The following TENM3 variants were observed in gnomAD, a reference collection of about 807,000 sequenced individuals.
The protein encoded by TENM3 is teneurin transmembrane protein 3.
TENM3 carries 63 observed loss-of-function variants against 255.1 expected under a neutral mutation model. The ratio of observed to expected loss-of-function variants is 0.25; its 90% CI spans 0.20 to 0.30. TENM3 has a LOEUF of 0.30. Among genes scored for constraint, TENM3 ranks in the 10% least tolerant of loss-of-function variants. The probability of loss-of-function intolerance (pLI) is 1.00; values close to 1 mark genes in which losing one functional copy is unlikely to be tolerated. For missense variants in TENM3, 2,929 were observed against 3,461.1 expected, an observed-to-expected ratio of 0.85 and a Z score of 3.86; for synonymous variants, 1,306 against 1,322.3, an observed-to-expected ratio of 0.99 and a Z score of 0.27.
chr4:182,039,182 T>C, the TENM3 span, among the ~76,000 whole-genome samples: 1 of 152,216 alleles, frequency 6.6e-6, no homozygotes, highest in Non-Finnish European at 1.5e-5. Context: ...CAGGACATGG[T>C]GGCTCAAACG....
At chr4:181,887,372 A>T in the TENM3 span, among the ~76,000 whole-genome samples, 2 of 152,226 alleles carry the variant, frequency 1.3e-5, no homozygotes, top group African/African-American at 4.8e-5. Flanking sequence ...GACAAAATAC[A>T]TTAGATTTCT....
the TENM3 span, among the ~76,000 whole-genome samples, chr4:181,650,485 T>C: frequency 6.6e-6 from 1 of 152,206 alleles, no homozygotes; most frequent in African/African-American, 2.4e-5. Context: ...CTCAACCTTA[T>C]CATTTGGAGA....
At chr4:182,163,628 G>C (rs1414198001) in intron 1 of TENM3, among the ~76,000 whole-genome samples, 1 of 152,112 alleles carries the variant, frequency 6.6e-6, no homozygotes, top group African/African-American at 2.4e-5. Flanking sequence ...TAGAATTCAA[G>C]GGTTCTAGGA....
intron 3 of TENM3, among the ~76,000 whole-genome samples, chr4:182,563,423 G>C (rs1203275462): frequency 6.6e-6 from 1 of 151,992 alleles, no homozygotes; most frequent in East Asian, 1.9e-4. Context: ...GACAGAGCAA[G>C]ACTCCATCTC....
chr4:182,652,613 C>G (rs1365600070), intron 5 of TENM3, among the ~76,000 whole-genome samples: 2 of 152,172 alleles, frequency 1.3e-5, no homozygotes, highest in Non-Finnish European at 2.9e-5. Flanking sequence ...GAACCAAAGT[C>G]TGACTGCATC....
the TENM3 span, among the ~76,000 whole-genome samples, chr4:181,689,607 C>T: frequency 6.6e-6 from 1 of 152,196 alleles, no homozygotes; most frequent in Non-Finnish European, 1.5e-5. Flanking sequence ...ATCTGATTTT[C>T]GGTAAAAGTA....
At chr4:181,978,474 C>T in the TENM3 span, among the ~76,000 whole-genome samples, 109 of 152,068 alleles carry the variant, frequency 7.2e-4, 1 homozygote, top group South Asian at 0.021. Context: ...TGGTGAAACA[C>T]CATCTCTACT....
the TENM3 span, among the ~76,000 whole-genome samples, chr4:182,019,926 C>T: frequency 6.6e-6 from 1 of 152,152 alleles, no homozygotes; most frequent in Admixed American, 6.5e-5. Flanking sequence ...CCGCCTGCCT[C>T]AGCCTCCCAA....
At chr4:182,347,952 G>A (rs747469240) in intron 3 of TENM3, among the ~76,000 whole-genome samples, 7 of 152,074 alleles carry the variant, frequency 4.6e-5, no homozygotes, top group Non-Finnish European at 1.0e-4. Context: ...TTATTTATTG[G>A]GTGACTTTGT....
At chr4:181,567,804 T>C in the TENM3 span, among the ~76,000 whole-genome samples, 1 of 152,148 alleles carries the variant, frequency 6.6e-6, no homozygotes, top group Admixed American at 6.5e-5. Context: ...TGGATTTAGA[T>C]AAATACTATT....
intron 22 of TENM3, among the ~76,000 whole-genome samples, chr4:182,767,194 T>C (rs188383605): frequency 6.6e-6 from 1 of 152,210 alleles, no homozygotes; most frequent in East Asian, 1.9e-4. Flanking sequence ...AAACCATAGG[T>C]TCCTTCTCAG....
the TENM3 span, chr4:181,906,251 GAA>G: frequency 5.0e-6 from 1 of 201,274 alleles, no homozygotes; most frequent in South Asian, 8.6e-5. Context: ...AATCAGTGAG[GAA>G]GCACTCCAGT....
chr4:182,589,927 G>A (rs886827791), intron 3 of TENM3, among the ~76,000 whole-genome samples: 8 of 152,040 alleles, frequency 5.3e-5, no homozygotes, highest in Non-Finnish European at 7.4e-5. Context: ...TCAGTGAGCC[G>A]AGATCGCACC....
intron 26 of TENM3, among the ~76,000 whole-genome samples, chr4:182,794,217 C>G (rs1412295507): frequency 6.6e-6 from 1 of 152,226 alleles, no homozygotes; most frequent in Non-Finnish European, 1.5e-5. Flanking sequence ...CCCAGCTCCT[C>G]TCCCACAAGT....
chr4:182,051,159 C>T, the TENM3 span, among the ~76,000 whole-genome samples: 2 of 151,722 alleles, frequency 1.3e-5, no homozygotes, highest in African/African-American at 4.9e-5. Flanking sequence ...GCCTGACCAA[C>T]ACGGTGAAAA....
At chr4:181,687,267 A>C in the TENM3 span, among the ~76,000 whole-genome samples, 151 of 152,250 alleles carry the variant, frequency 9.9e-4, no homozygotes, top group African/African-American at 3.5e-3. Context: ...TTTAGTGGTT[A>C]TTTTGTTCAT....
chr4:182,307,094 G>A (rs531665203), intron 1 of TENM3, among the ~76,000 whole-genome samples: 10 of 152,266 alleles, frequency 6.6e-5, no homozygotes, highest in African/African-American at 1.4e-4. Context: ...GATATGATAC[G>A]TATTCACAAT....
the TENM3 span, among the ~76,000 whole-genome samples, chr4:181,757,346 G>C: frequency 6.6e-6 from 1 of 152,124 alleles, no homozygotes; most frequent in Non-Finnish European, 1.5e-5. Context: ...AGAATGACAA[G>C]GTTGCCCAGG....
intron 7 of TENM3, among the ~76,000 whole-genome samples, chr4:182,677,030 AAT>A (rs368964263): frequency 8.6e-4 from 131 of 152,350 alleles, no homozygotes; most frequent in South Asian, 4.6e-3. Flanking sequence ...CCATCTTAGA[AAT>A]ATTACAAAGC....
Sources: allele counts gnomAD v4.1 joint callset (sites outside exome capture counted in the v4.1 genomes callset), GRCh38; gene constraint gnomAD v4.1.1; transcripts MANE v1.5; gene names NCBI Gene and HGNC (gene_info 2026-07-23, HGNC 2026-07-21).